CAMLG: variants seen among roughly 807,000 people sequenced by gnomAD.
CAMLG encodes the protein calcium modulating ligand.
Under a neutral mutation model 28.9 loss-of-function variants are expected in CAMLG, and 23 were observed. The observed-to-expected ratio is 0.80, with a 90% confidence interval of 0.57 to 1.13. CAMLG has a LOEUF of 1.13. CAMLG is among the 50% of genes most tolerant of loss of function. The probability of loss-of-function intolerance (pLI) is 0.00; values close to 1 mark genes in which losing one functional copy is unlikely to be tolerated. For synonymous variants in CAMLG, 141 were observed against 146.5 expected, an observed-to-expected ratio of 0.96 and a Z score of 0.27; for missense variants, 367 against 371.9, an observed-to-expected ratio of 0.99 and a Z score of 0.11.
intron 3 of CAMLG, among the ~76,000 whole-genome samples, chr5:134,750,545 A>G (rs1181529225): frequency 1.3e-5 from 2 of 152,202 alleles, no homozygotes; most frequent in Non-Finnish European, 2.9e-5. Context: ...CTCAAAAAAA[A>G]AAAAAGCAAG....
At chr5:134,739,215 C>T (rs1446469758) in intron 1 of CAMLG, among the ~76,000 whole-genome samples, 1 of 152,180 alleles carries the variant, frequency 6.6e-6, no homozygotes, top group African/African-American at 2.4e-5. Context: ...CTAGCGTCTA[C>T]CTTCTTTTGC....
Position 134,741,368 on chromosome 5 carries a change from G to T in CAMLG, c.478G>T (p.Glu160Ter). The change falls in exon 2 of 4, where the codon GAA becomes TAA. Residue 160 changes from glutamate (E) to a stop codon, truncating the protein, a stop_gained. Transcript: ENST00000297156. LOFTEE classifies it high-confidence loss of function. ...HGLEQYLSRF[E>*]EAMKLRKQLI... is the part of the protein sequence containing the mutation. ...CCTAGAGCAGTACCTTTCCAGATTC[G>T]AAGAAGCAATGAAGCTAAGGAAACA... is the stretch of plus-strand genomic sequence containing the variant. 1 of 1,614,200 alleles carries T rather than the reference G, an allele frequency of 6.2e-7. No homozygotes were observed. The highest frequency in any genetic ancestry group is 2.2e-5 in the East Asian group (1 of 44,890).
At chr5:134,744,243 G>C (rs1753018703) in intron 3 of CAMLG, among the ~76,000 whole-genome samples, 191 bp downstream of exon 3, 1 of 152,140 alleles carries the variant, frequency 6.6e-6, no homozygotes, top group South Asian at 2.1e-4. Flanking sequence ...TGAGTAATTG[G>C]CCGGGCGCAG....
In CAMLG at chr5:134,741,141, G is replaced by T; in HGVS notation, c.251G>T (p.Arg84Leu). Residue 84 changes from arginine (R) to leucine (L), a missense_variant, in exon 2 of 4, where the codon CGA (arginine) becomes CTA (leucine). Coordinates refer to ENST00000297156, the MANE Select transcript of CAMLG (RefSeq NM_001745.4). ...CTCAGCGTTCCTTCCGTTTCAAAGC[G>T]AGTAGTGCTGGGTGATTCAGTCAGT... ...NSLSVPSVSK[R>L]VVLGDSVSTG... The T allele has an allele frequency of 6.2e-7, 1 of 1,614,084 alleles. No individual in the cohort carries two copies. The highest frequency in any genetic ancestry group is 1.1e-5 in the South Asian group (1 of 91,080).
At chr5:134,750,245 A>G (rs1001527302) in intron 3 of CAMLG, among the ~76,000 whole-genome samples, 7 of 152,152 alleles carry the variant, frequency 4.6e-5, no homozygotes, top group Non-Finnish European at 8.8e-5. Context: ...AAAAACTTCT[A>G]ATAACAAGAC....
At position 134,750,760 on chromosome 5, in the gene CAMLG, G is replaced by T; in HGVS notation, c.701G>T (p.Ser234Ile). 6.2e-7 allele frequency: 1 copy of T among 1,609,096 alleles called. No individual in the cohort carries two copies. Among genetic ancestry groups the T allele is most frequent in the Non-Finnish European group, 8.5e-7 (1 of 1,175,848 alleles). ...YMGLYKYFPK[S>I]EKKIKTTVLT... The stretch of plus-strand genomic sequence containing the variant: ...TAATTTGAGTCTTTCTCTACACAGA[G>T]TGAAAAGAAGATAAAGACAACAGTA... Residue 234 changes from serine (S) to isoleucine (I), a missense_variant and splice_region_variant, in exon 4 of 4, where the codon AGT becomes ATT. Ser to Ile is a moderately radical substitution (Grantham distance 142). Coordinates refer to ENST00000297156, the MANE Select transcript of CAMLG (RefSeq NM_001745.4).
At chr5:134,739,428 T>G (rs1297676761) in intron 1 of CAMLG, among the ~76,000 whole-genome samples, 1 of 152,206 alleles carries the variant, frequency 6.6e-6, no homozygotes, top group Non-Finnish European at 1.5e-5. Flanking sequence ...AAGTGCGAAG[T>G]GCACACCTGA....
At chr5:134,743,958 A>G in intron 2 of CAMLG, 29 bp from the exon 3 acceptor site, 1 of 1,015,814 alleles carries the variant, frequency 9.8e-7, no homozygotes, top group Non-Finnish European at 1.5e-6. Context: ...TATGTTGGAA[A>G]TATTTAATTT....
intron 3 of CAMLG, among the ~76,000 whole-genome samples, chr5:134,749,559 C>T (rs1753089151): frequency 6.6e-6 from 1 of 152,108 alleles, no homozygotes; most frequent in South Asian, 2.1e-4. Context: ...AGTGTGGATT[C>T]CTTTGCATAA....
chr5:134,740,634 G>A (rs908674300), intron 1 of CAMLG, among the ~76,000 whole-genome samples: 2 of 151,976 alleles, frequency 1.3e-5, no homozygotes, highest in Non-Finnish European at 2.9e-5. Context: ...TCACTCTGTC[G>A]CCAGGCAGAT....
chr5:134,750,924 G>C lies in CAMLG; in HGVS notation c.865G>C (p.Asp289His). Residue 289 changes from aspartate (D) to histidine (H), a missense_variant, in exon 4 of 4, where the codon GAT (aspartate) becomes CAT (histidine). Coordinates refer to ENST00000297156, the MANE Select transcript of CAMLG (RefSeq NM_001745.4). ...FTFIFCHELL[D>H]YWGSEVP ...TTTTATCTTTTGTCATGAACTGCTT[G>C]ATTATTGGGGCTCTGAAGTACCATG... 1 of 1,613,276 alleles carries C rather than the reference G, an allele frequency of 6.2e-7. No homozygotes were observed. The highest frequency in any genetic ancestry group is 8.5e-7 in the Non-Finnish European group (1 of 1,179,758).
intron 3 of CAMLG, among the ~76,000 whole-genome samples, chr5:134,749,071 G>GT (rs757032417): frequency 4.6e-3 from 633 of 139,106 alleles, no homozygotes; most frequent in East Asian, 7.8e-3. Context: ...TAACTATAGG[G>GT]TTTTTTTTTT....
In CAMLG at chr5:134,741,495, G is replaced by T; in HGVS notation, c.605G>T (p.Gly202Val). 6.2e-7 allele frequency: 1 copy of T among 1,609,162 alleles called. No homozygotes were observed. Among genetic ancestry groups the T allele is most frequent in the Non-Finnish European group, 8.5e-7 (1 of 1,176,792 alleles). ...GTGGGATGTGCTCTTCTTGCTCTTGGAGTCAGAGCTTTTGTTTGCAAATAC... is the reference window on the plus strand; with the variant it reads ...GTGGGATGTGCTCTTCTTGCTCTTGTAGTCAGAGCTTTTGTTTGCAAATAC... ...RLVGCALLAL[G>V]VRAFVCKYLS... is the part of the protein sequence containing the mutation. The change falls in exon 2 of 4, where the codon GGA (glycine) becomes GTA (valine). Residue 202 changes from glycine to valine, a missense_variant. Gly to Val is a moderately radical substitution (Grantham distance 109, BLOSUM62 -3). Transcript: ENST00000297156.
intron 3 of CAMLG, among the ~76,000 whole-genome samples, chr5:134,749,526 A>G (rs1396782168): frequency 1.3e-5 from 2 of 152,218 alleles, no homozygotes; most frequent in Non-Finnish European, 2.9e-5. Flanking sequence ...TTGTTCAGTG[A>G]TACCCTATTG....
In CAMLG at chr5:134,741,273, A is replaced by G. The variant is rs143592213; in HGVS notation, c.383A>G (p.Asn128Ser). 12 of 1,614,068 alleles carry G rather than the reference A, an allele frequency of 7.4e-6. No homozygotes were observed. Among genetic ancestry groups the G allele is most frequent in the Non-Finnish European group, 1.0e-5 (12 of 1,180,042 alleles). The change falls in exon 2 of 4, where the codon AAC (asparagine) becomes AGC (serine). Residue 128 changes from asparagine to serine, a missense_variant. By Grantham distance (46) the Asn-to-Ser change is conservative. Transcript: ENST00000297156. Reference protein sequence around the residue: ...IKPPECSSDVNLELRQRNRGD... With the variant: ...IKPPECSSDVSLELRQRNRGD... ...CCACCTGAGTGCAGTAGTGATGTCA[A>G]CCTTGAGCTCCGGCAGCGGAACAGA...
At chr5:134,742,729 A>C (rs1465044320) in intron 2 of CAMLG, among the ~76,000 whole-genome samples, 1 of 152,154 alleles carries the variant, frequency 6.6e-6, no homozygotes, top group Non-Finnish European at 1.5e-5. Flanking sequence ...TATATCATTA[A>C]GCAAAACAGT....
At chr5:134,747,774 G>A (rs1474538576) in intron 3 of CAMLG, among the ~76,000 whole-genome samples, 2 of 146,276 alleles carry the variant, frequency 1.4e-5, no homozygotes, top group East Asian at 4.0e-4. Flanking sequence ...CCCGAATAGC[G>A]GGGACTACAG....
chr5:134,744,400 T>G (rs1400548788), intron 3 of CAMLG, among the ~76,000 whole-genome samples: 1 of 151,944 alleles, frequency 6.6e-6, no homozygotes, highest in Non-Finnish European at 1.5e-5. Flanking sequence ...GACGCACACC[T>G]GTAATTCCAG....
At chr5:134,741,861 G>A (rs909752028) in intron 2 of CAMLG, among the ~76,000 whole-genome samples, 11 of 152,148 alleles carry the variant, frequency 7.2e-5, no homozygotes, top group African/African-American at 2.7e-4. Flanking sequence ...CAGGAGAATC[G>A]CTTGAACCCG....
Sources: gnomAD v4.1 joint callset for allele counts (sites outside exome capture counted in the v4.1 genomes callset) on GRCh38, gnomAD v4.1.1 for gene constraint, MANE v1.5 for transcripts, NCBI Gene and HGNC (gene_info 2026-07-23, HGNC 2026-07-21) for gene names.